Variants in SLC30A6 observed in about 807,000 individuals in gnomAD.
SLC30A6 encodes solute carrier family 30 member 6.
Under a neutral mutation model 63.0 loss-of-function variants are expected in SLC30A6, and 55 were observed. The observed-to-expected ratio is 0.87, with a 90% CI of 0.70 to 1.09. The LOEUF is 1.09. Ranked by LOEUF, SLC30A6 falls within the 50% of genes least tolerant of loss-of-function variation. SLC30A6 has a pLI of 0.00. For missense variants in SLC30A6, 587 were observed against 549.2 expected (o/e 1.07, Z -0.69); for synonymous variants, 224 against 186.1 (o/e 1.20, Z -1.66).
chr2:32,220,813 G>GA lies in SLC30A6; in HGVS notation c.*100_*101insA. ...GACTGTTTAATCATTTACTCTAAAT[G>GA]TTAGATAATAGTAGTCTTGTTCACA... On this transcript the variant is annotated 3_prime_UTR_variant, in exon 14 of 14. Transcript: ENST00000282587. 9.3e-7 allele frequency: 1 copy of GA among 1,074,340 alleles called. No individual in the cohort carries two copies. The highest frequency in any genetic ancestry group is 1.3e-6 in the Non-Finnish European group (1 of 753,292). 66.6% of individuals were successfully genotyped at this position (1,074,340 alleles called of 1,614,324 possible).
Position 32,195,158 on chromosome 2 carries a change from G to A in SLC30A6, c.496+1175G>A, listed in dbSNP as rs965242144. ...TCTCTTGCCCAGGCTGGAGTGCAGT[G>A]GCGCAATCTTGGCTCACTGCAACCT... On this transcript the variant is annotated intron_variant, in intron 8 of 13. Coordinates refer to ENST00000282587, the MANE Select transcript of SLC30A6 (RefSeq NM_017964.5). 4.4e-5 allele frequency among the ~76,000 whole-genome samples: 6 copies of A among 136,568 alleles called. No homozygotes were observed. In the East Asian group the frequency reaches 6.5e-4, roughly 15 times the overall value. 89.6% of individuals were successfully genotyped at this position (136,568 alleles called of 152,430 possible).
intron 4 of SLC30A6, among the ~76,000 whole-genome samples, chr2:32,176,089 A>G (rs1017562904): frequency 6.6e-6 from 1 of 152,156 alleles, no homozygotes; most frequent in African/African-American, 2.4e-5. Context: ...TCAGAGGGCT[A>G]ATTTTGCTAA....
In SLC30A6 at chr2:32,220,416, T is replaced by C. The variant is rs750473866; in HGVS notation, c.1089T>C (p.Leu363=). The stretch of plus-strand genomic sequence containing the variant: ...ATCATCACGTAATCCCAATGCCTCT[T>C]TTAAAGGGTACTGATGATTTGAACC... The part of the protein sequence containing the change: ...FSDHHVIPMP[L]LKGTDDLNPV... Residue 363 remains leucine, a synonymous_variant, in exon 14 of 14, where the codon CTT becomes CTC. Coordinates refer to ENST00000282587, the MANE Select transcript of SLC30A6 (RefSeq NM_017964.5). 1 of 1,614,204 alleles carries C rather than the reference T, an allele frequency of 6.2e-7. No homozygotes were observed. The highest frequency in any genetic ancestry group is 8.5e-7 in the Non-Finnish European group (1 of 1,180,038).
In SLC30A6 at chr2:32,197,373, G is replaced by A; in HGVS notation, c.526G>A (p.Val176Ile). The A allele has an allele frequency of 6.2e-7, 1 of 1,613,688 alleles. No homozygotes were observed. Among genetic ancestry groups the A allele is most frequent in the Non-Finnish European group, 8.5e-7 (1 of 1,179,766 alleles). The change falls in exon 9 of 14, where the codon GTT becomes ATT. Residue 176 changes from valine (V) to isoleucine (I), a missense_variant. Physicochemically the swap from Val to Ile is conservative, Grantham distance 29. Coordinates refer to ENST00000282587, the MANE Select transcript of SLC30A6 (RefSeq NM_017964.5). Reference sequence around the variant, plus strand: ...TAGTACGAGCTGGCTTCAAGAGCATGTTGCAGATCTTAGTCGAAGGTAAGA... The same window carrying A: ...TAGTACGAGCTGGCTTCAAGAGCATATTGCAGATCTTAGTCGAAGGTAAGA... ...AASTSWLQEH[V>I]ADLSRSLCGI...
chr2:32,199,490 A>G (rs1337970199), intron 10 of SLC30A6, among the ~76,000 whole-genome samples: 1 of 152,220 alleles, frequency 6.6e-6, no homozygotes, highest in Non-Finnish European at 1.5e-5. Flanking sequence ...ACAGGCATAC[A>G]GTGCATAATA....
chr2:32,190,111 TCTC>T (rs1407679538), intron 5 of SLC30A6, among the ~76,000 whole-genome samples: 7 of 152,178 alleles, frequency 4.6e-5, no homozygotes, highest in Non-Finnish European at 7.3e-5. Context: ...ATAAGTATCT[TCTC>T]CTTCTTAGTT....
chr2:32,218,266 CA>C (rs369015909), intron 13 of SLC30A6, among the ~76,000 whole-genome samples: 149 of 151,912 alleles, frequency 9.8e-4, no homozygotes, highest in African/African-American at 3.4e-3. Context: ...ACAAAGAAAA[CA>C]AAAAAACAAA....
At chr2:32,215,234 G>C (rs1008465592) in intron 13 of SLC30A6, among the ~76,000 whole-genome samples, 13 of 151,754 alleles carry the variant, frequency 8.6e-5, no homozygotes, top group Non-Finnish European at 1.6e-4. Flanking sequence ...TGGCTCTGTT[G>C]CCCAGCCTGG....
chr2:32,199,444 G>GTA (rs1463420369), intron 10 of SLC30A6, among the ~76,000 whole-genome samples: 2 of 151,980 alleles, frequency 1.3e-5, no homozygotes, highest in African/African-American at 4.8e-5. Context: ...CACATAGTAG[G>GTA]TATATATATT....
chr2:32,177,329 T>C (rs1681844652), intron 4 of SLC30A6: 1 of 157,432 alleles, frequency 6.4e-6, no homozygotes, highest in African/African-American at 2.4e-5. Context: ...CTTTCTTTTT[T>C]TTTTGAGTTA....
At chr2:32,192,213 G>C in intron 5 of SLC30A6, 123 bp from the exon 6 acceptor site, 1 of 758,160 alleles carries the variant, frequency 1.3e-6, no homozygotes, top group Non-Finnish European at 2.2e-6. Flanking sequence ...AACAGTGTTG[G>C]GCTCATAGTA....
chr2:32,188,283 G>A (rs1356044185), intron 5 of SLC30A6, among the ~76,000 whole-genome samples: 2 of 152,166 alleles, frequency 1.3e-5, no homozygotes, highest in African/African-American at 4.8e-5. Flanking sequence ...TTAAGTGACT[G>A]AATGGCCCAA....
chr2:32,210,371 C>T (rs1021437621), intron 13 of SLC30A6, among the ~76,000 whole-genome samples: 4 of 151,740 alleles, frequency 2.6e-5, no homozygotes, highest in Non-Finnish European at 4.4e-5. Context: ...ATTAGCTGGG[C>T]GTGGGGTGTG....
At position 32,192,375 on chromosome 2, in the gene SLC30A6, A is replaced by C; in HGVS notation, c.324A>C (p.Thr108=). 6.2e-7 allele frequency: 1 copy of C among 1,614,054 alleles called. No individual in the cohort carries two copies. Reference sequence around the variant, plus strand: ...AAGTCCTGGCTGTATTTGCCTCCACAGTCTTGGCACAGTTGGGAGCTCTCT... The same window carrying C: ...AAGTCCTGGCTGTATTTGCCTCCACCGTCTTGGCACAGTTGGGAGCTCTCT... ...RLEVLAVFAS[T]VLAQLGALFI... Residue 108 remains threonine (T), a synonymous_variant, in exon 6 of 14, where the codon ACA becomes ACC. Coordinates refer to ENST00000282587, the MANE Select transcript of SLC30A6 (RefSeq NM_017964.5).
At chr2:32,188,121 A>G (rs1210740130) in intron 5 of SLC30A6, among the ~76,000 whole-genome samples, 2 of 152,152 alleles carry the variant, frequency 1.3e-5, no homozygotes, top group African/African-American at 4.8e-5. Flanking sequence ...TCTATAGGAT[A>G]CTGACTTTCT....
Position 32,165,894 on chromosome 2 carries a change from C to T in SLC30A6, c.-7C>T, listed in dbSNP as rs564582307. On this transcript the variant is annotated 5_prime_UTR_variant, in exon 1 of 14. Coordinates refer to ENST00000282587, the MANE Select transcript of SLC30A6 (RefSeq NM_017964.5). ...GGCTTCCGGCGGGAGCTGTGCAGCT[C>T]CTTATCATGGTGAGTTGGCTGTTGG... The T allele has an allele frequency of 9.3e-6, 15 of 1,614,006 alleles. No individual in the cohort carries two copies. In the African/African-American group the frequency reaches 1.3e-4, roughly 14 times the overall value.
intron 4 of SLC30A6, among the ~76,000 whole-genome samples, chr2:32,180,151 C>G (rs1682158423): frequency 6.6e-6 from 1 of 152,016 alleles, no homozygotes; most frequent in South Asian, 2.1e-4. Flanking sequence ...CCTGTAATCC[C>G]AGCACTTTGA....
Position 32,197,724 on chromosome 2 carries a change from C to T in SLC30A6, c.563C>T (p.Pro188Leu), listed in dbSNP as rs139761058. The T allele has an allele frequency of 1.6e-4, 264 of 1,614,020 alleles. 3 individuals are homozygous for T. In the East Asian group the frequency reaches 5.5e-3, roughly 33 times the overall value. ...DLSRSLCGII[P>L]GLSSIFLPRM... Reference sequence around the variant, plus strand: ...TTTCTTAGCTTGTGTGGAATTATTCCGGGACTTAGCAGTATCTTCCTTCCC... The same window carrying T: ...TTTCTTAGCTTGTGTGGAATTATTCTGGGACTTAGCAGTATCTTCCTTCCC... Residue 188 changes from proline to leucine, a missense_variant, in exon 10 of 14, where the codon CCG (proline) becomes CTG (leucine). Physicochemically the swap from Pro to Leu is moderately conservative, Grantham distance 98. Transcript: ENST00000282587.
intron 11 of SLC30A6, among the ~76,000 whole-genome samples, chr2:32,205,410 A>G (rs1320909948): frequency 6.6e-6 from 1 of 151,890 alleles, no homozygotes; most frequent in Non-Finnish European, 1.5e-5. Flanking sequence ...ACAGAGCAAG[A>G]CTCCATCTCA....
Sources: gnomAD v4.1 joint callset for allele counts (sites outside exome capture counted in the v4.1 genomes callset) on GRCh38, gnomAD v4.1.1 for gene constraint, MANE v1.5 for transcripts, NCBI Gene and HGNC (gene_info 2026-07-23, HGNC 2026-07-21) for gene names.